The following UBR2 variants were observed in gnomAD, a reference collection of about 807,000 sequenced individuals.
UBR2 encodes the protein ubiquitin protein ligase E3 component n-recognin 2.
Under a neutral mutation model 247.9 loss-of-function variants are expected in UBR2, and 92 were observed. The ratio of observed to expected loss-of-function variants is 0.37; its 90% CI spans 0.31 to 0.44. UBR2 has a LOEUF of 0.44. Ranked by LOEUF, UBR2 falls within the 20% of genes least tolerant of loss-of-function variation. UBR2 has a pLI of 1.00. For synonymous variants in UBR2, 672 were observed against 693.5 expected, an observed-to-expected ratio of 0.97 and a Z score of 0.49; for missense variants, 1,613 against 2,112.6, an observed-to-expected ratio of 0.76 and a Z score of 4.64.
chr6:42,634,896 T>G (rs1554255756), intron 13 of UBR2, among the ~76,000 whole-genome samples: 1 of 152,236 alleles, frequency 6.6e-6, no homozygotes, highest in African/African-American at 2.4e-5. Flanking sequence ...CTCTATTGTT[T>G]AATAAGTTCT....
intron 7 of UBR2, 119 bp from the exon 8 acceptor site, chr6:42,612,052 C>A: frequency 1.2e-6 from 1 of 869,006 alleles, no homozygotes; most frequent in Non-Finnish European, 1.6e-6. Flanking sequence ...TTCTTACATC[C>A]ATGAAAAAGT....
At chr6:42,640,333 C>T in intron 16 of UBR2, 63 bp downstream of exon 16, 1 of 1,439,900 alleles carries the variant, frequency 6.9e-7, no homozygotes, top group Non-Finnish European at 9.5e-7. Context: ...TTTGGAATCA[C>T]TTTGAAACAC....
At chr6:42,571,057 A>G (rs1791096995) in intron 1 of UBR2, among the ~76,000 whole-genome samples, 1 of 151,526 alleles carries the variant, frequency 6.6e-6, no homozygotes, top group East Asian at 1.9e-4. Flanking sequence ...CTATGAACAA[A>G]TTTGCTCTCG....
intron 42 of UBR2, 27 bp from the exon 43 acceptor site, chr6:42,683,028 G>GT (rs34240626): frequency 0.79 from 1,265,417 of 1,602,220 alleles, 501,489 homozygotes; most frequent in East Asian, 0.88. Flanking sequence ...AGTGTTTTGT[G>GT]TTTTTCCCCC....
intron 11 of UBR2, among the ~76,000 whole-genome samples, chr6:42,624,704 G>T (rs889498334): frequency 6.6e-6 from 1 of 152,084 alleles, no homozygotes; most frequent in African/African-American, 2.4e-5. Flanking sequence ...ATTAGGGTGT[G>T]TGCTGAGTCC....
rs1790643074 is a variant in UBR2 at position 42,564,259 on chromosome 6, G to A, written c.-61G>A. The A allele has an allele frequency of 6.4e-7, 1 of 1,569,138 alleles. No homozygotes were observed. Among genetic ancestry groups the A allele is most frequent in the Non-Finnish European group, 8.6e-7 (1 of 1,157,922 alleles). ...CAGGGGTGGCAGTCGAGGCCGCCGG[G>A]GCCGAGGTGAGGCTGCAGCTCTCCG... is the stretch of plus-strand genomic sequence containing the variant. On this transcript the variant is annotated 5_prime_UTR_variant, in exon 1 of 47. Coordinates refer to ENST00000372901, the MANE Select transcript of UBR2 (RefSeq NM_001363705.2).
chr6:42,655,040 A>C (rs1797355405), intron 25 of UBR2, among the ~76,000 whole-genome samples: 1 of 152,176 alleles, frequency 6.6e-6, no homozygotes, highest in Non-Finnish European at 1.5e-5. Flanking sequence ...TATTATGTGA[A>C]TTGCTGGTCA....
rs751458017 is a variant in UBR2, at chr6:42,564,309, G to A, written c.-11G>A. The stretch of plus-strand genomic sequence containing the variant: ...GGGCGGCGGTAGCGCTGGGGAGGAG[G>A]AGGAGAGAAGATGGCGTCGGAGCTA... On this transcript the variant is annotated 5_prime_UTR_variant, in exon 1 of 47. Coordinates refer to ENST00000372901, the MANE Select transcript of UBR2 (RefSeq NM_001363705.2). 7 of 1,607,864 alleles carry A rather than the reference G, an allele frequency of 4.4e-6. No individual in the cohort carries two copies. Among genetic ancestry groups the A allele is most frequent in the Middle Eastern group, 1.7e-4 (1 of 5,968 alleles).
intron 44 of UBR2, among the ~76,000 whole-genome samples, chr6:42,687,223 C>G (rs1051310965): frequency 7.2e-5 from 11 of 152,364 alleles, no homozygotes; most frequent in Middle Eastern, 3.4e-3. Flanking sequence ...AAGACTCCCT[C>G]TGCAATCCTG....
At position 42,572,283 on chromosome 6, in the gene UBR2, A is replaced by G. The variant is rs1465853334; in HGVS notation, c.79-1451A>G. On this transcript the variant is annotated intron_variant, in intron 1 of 46. Transcript: ENST00000372901. Reference sequence around the variant, plus strand: ...TGAACAAAATTTTTACATTTTTAGTAAAAGTTCTCTGAAAACAGAAATTGA... The same window carrying G: ...TGAACAAAATTTTTACATTTTTAGTGAAAGTTCTCTGAAAACAGAAATTGA... 6.6e-5 allele frequency among the ~76,000 whole-genome samples: 10 copies of G among 152,252 alleles called. No individual in the cohort carries two copies. In the East Asian group the frequency reaches 1.9e-3, roughly 29 times the overall value.
chr6:42,601,703 A>C (rs925033215), intron 4 of UBR2, among the ~76,000 whole-genome samples: 1 of 151,094 alleles, frequency 6.6e-6, no homozygotes, highest in African/African-American at 2.4e-5. Flanking sequence ...AAAAAAAAAA[A>C]AACCTCAATG....
intron 7 of UBR2, among the ~76,000 whole-genome samples, chr6:42,611,223 G>A (rs1794062206): frequency 6.6e-6 from 1 of 151,278 alleles, no homozygotes; most frequent in African/African-American, 2.4e-5. Context: ...AGCACTTTGG[G>A]AGGCCGAGGT....
chr6:42,607,652 G>C (rs60649017), intron 7 of UBR2, among the ~76,000 whole-genome samples: 20,564 of 48,072 alleles, frequency 0.43, 2,729 homozygotes, highest in African/African-American at 0.51. Flanking sequence ...GTAGCTGGGA[G>C]GACAGGCATG....
At chr6:42,665,038 A>G (rs1342239528) in intron 32 of UBR2, among the ~76,000 whole-genome samples, 1 of 152,218 alleles carries the variant, frequency 6.6e-6, no homozygotes, top group East Asian at 1.9e-4. Flanking sequence ...AAATGTAGGG[A>G]TATTTTGAGG....
chr6:42,689,679 C>T lies in UBR2; in HGVS notation c.5126+9C>T. The T allele has an allele frequency of 6.2e-7, 1 of 1,612,906 alleles. No homozygotes were observed. The highest frequency in any genetic ancestry group is 8.5e-7 in the Non-Finnish European group (1 of 1,178,988). ...ACCGACCAGGGACTCAGGTAAGAAC[C>T]CATCCTGAGTTAGCTAACTCAGGGC... On this transcript the variant is annotated intron_variant, in intron 46 of 46. Transcript: ENST00000372901. The surrounding 1 kb of genome is among the most constrained non-coding windows in gnomAD (Gnocchi z 4.0).
chr6:42,663,014 A>C (rs1797907709), intron 31 of UBR2, among the ~76,000 whole-genome samples: 1 of 151,856 alleles, frequency 6.6e-6, no homozygotes, highest in African/African-American at 2.4e-5. Flanking sequence ...ACACCAAGAA[A>C]TTTTTGTTGC....
At chr6:42,570,916 A>G (rs528860401) in intron 1 of UBR2, among the ~76,000 whole-genome samples, 1 of 150,302 alleles carries the variant, frequency 6.7e-6, no homozygotes, top group East Asian at 2.0e-4. Flanking sequence ...GAACCTCTGA[A>G]CTCAAATGAG....
intron 36 of UBR2, among the ~76,000 whole-genome samples, chr6:42,671,587 G>GATTAT (rs1397127115): frequency 6.6e-6 from 1 of 152,086 alleles, no homozygotes; most frequent in Admixed American, 6.5e-5. Context: ...TTTTGCGTGG[G>GATTAT]CATTTTTTAG....
At chr6:42,634,348 G>A in intron 13 of UBR2, 1 of 334,054 alleles carries the variant, frequency 3.0e-6, no homozygotes, top group Non-Finnish European at 5.8e-6. Context: ...CTAAAAATCT[G>A]AGCAAGTACT....
Sources: gnomAD v4.1 joint callset for allele counts (sites outside exome capture counted in the v4.1 genomes callset) on GRCh38, gnomAD v4.1.1 for gene constraint, Gnocchi (gnomAD v3.1) non-coding constraint, MANE v1.5 for transcripts, NCBI Gene and HGNC (gene_info 2026-07-23, HGNC 2026-07-21) for gene names.